CYB5R4: variants seen among roughly 807,000 people sequenced by gnomAD.
The protein encoded by CYB5R4 is N-terminal cytochrome b5 and cytochrome b5 oxidoreductase domain-containing protein.
CYB5R4 carries 55 observed loss-of-function variants against 70.2 expected under a neutral mutation model. The observed-to-expected ratio is 0.78, with a 90% CI of 0.63 to 0.98. The LOEUF (loss-of-function observed/expected upper bound fraction) is 0.98. Ranked by LOEUF, CYB5R4 falls within the 50% of genes least tolerant of loss-of-function variation. CYB5R4 has a pLI of 0.00. For synonymous variants in CYB5R4, 197 were observed against 199.5 expected (o/e 0.99, Z 0.11); for missense variants, 562 against 612.6 (o/e 0.92, Z 0.87).
Position 83,934,744 on chromosome 6 carries a change from A to G in CYB5R4, c.955+9A>G. 6.2e-7 allele frequency: 1 copy of G among 1,605,274 alleles called. No homozygotes were observed. Among genetic ancestry groups the G allele is most frequent in the Non-Finnish European group, 8.5e-7 (1 of 1,176,788 alleles). On this transcript the variant is annotated intron_variant, in intron 11 of 15. Transcript: ENST00000369681. ...CAAGCTACCTATTACAGGTAAGGTG[A>G]ATAGAGGCTTTGGGACACAATTTAT...
At chr6:83,881,650 A>G (rs1031072631) in intron 2 of CYB5R4, among the ~76,000 whole-genome samples, 13 of 152,264 alleles carry the variant, frequency 8.5e-5, no homozygotes, top group African/African-American at 3.1e-4. Context: ...TCTTCTAAGT[A>G]TGTTATTACT....
chr6:83,918,461 A>T (rs1259104684), intron 6 of CYB5R4, among the ~76,000 whole-genome samples: 1 of 152,020 alleles, frequency 6.6e-6, no homozygotes, highest in Non-Finnish European at 1.5e-5. Context: ...TATAATACCT[A>T]CTTCCATATT....
chr6:83,873,235 CTTTT>C (rs927399068), intron 2 of CYB5R4, among the ~76,000 whole-genome samples: 2 of 99,808 alleles, frequency 2.0e-5, no homozygotes, highest in African/African-American at 4.3e-5. Flanking sequence ...GGGTATCCTT[CTTTT>C]TTTTTTTTTT....
chr6:83,880,942 T>C (rs148177524), intron 2 of CYB5R4, among the ~76,000 whole-genome samples: 2 of 152,098 alleles, frequency 1.3e-5, no homozygotes, highest in African/African-American at 4.8e-5. Context: ...GTGGTGGTGG[T>C]AGGAGGTAGA....
chr6:83,894,947 A>C (rs930375738), intron 3 of CYB5R4, among the ~76,000 whole-genome samples: 5 of 152,156 alleles, frequency 3.3e-5, no homozygotes, highest in African/African-American at 1.2e-4. Flanking sequence ...TTGCAGTTCA[A>C]ACCTGTGTTG....
chr6:83,911,246 AT>A (rs1261491207), intron 4 of CYB5R4, among the ~76,000 whole-genome samples: 1 of 152,098 alleles, frequency 6.6e-6, no homozygotes, highest in Admixed American at 6.5e-5. Flanking sequence ...CTCTACAAAA[AT>A]TAAAAAAAAA....
chr6:83,916,955 T>G (rs897377367), intron 5 of CYB5R4, among the ~76,000 whole-genome samples: 2 of 152,156 alleles, frequency 1.3e-5, no homozygotes, highest in African/African-American at 4.8e-5. Context: ...ATATAATTGA[T>G]GCAATGATTT....
At chr6:83,942,882 G>A (rs913048289) in intron 14 of CYB5R4, among the ~76,000 whole-genome samples, 7 of 152,070 alleles carry the variant, frequency 4.6e-5, no homozygotes, top group African/African-American at 1.2e-4. Context: ...CCACAGCACC[G>A]AAAAGCCATG....
intron 4 of CYB5R4, among the ~76,000 whole-genome samples, chr6:83,909,857 T>C (rs1378619181): frequency 1.3e-5 from 2 of 152,206 alleles, no homozygotes; most frequent in Admixed American, 6.5e-5. Context: ...GGCATTCTAA[T>C]TGATAGTGGT....
intron 15 of CYB5R4, among the ~76,000 whole-genome samples, chr6:83,955,724 A>G (rs2099472328): frequency 6.6e-6 from 1 of 152,214 alleles, no homozygotes. Context: ...TGTTACACTC[A>G]CAAGATTGGT....
chr6:83,920,422 C>T (rs1365276942), intron 7 of CYB5R4, among the ~76,000 whole-genome samples: 1 of 152,054 alleles, frequency 6.6e-6, no homozygotes, highest in Non-Finnish European at 1.5e-5. Flanking sequence ...CTCTTCATCA[C>T]ACAGTTCAAA....
chr6:83,863,722 A>C (rs961292615), intron 1 of CYB5R4, among the ~76,000 whole-genome samples: 4 of 152,230 alleles, frequency 2.6e-5, no homozygotes, highest in African/African-American at 9.6e-5. Context: ...AAAAATTAAA[A>C]ATAACAATAC....
chr6:83,933,770 C>G (rs2099468507), intron 10 of CYB5R4, among the ~76,000 whole-genome samples: 1 of 152,228 alleles, frequency 6.6e-6, no homozygotes, highest in African/African-American at 2.4e-5. Context: ...TGGGATATTT[C>G]AAATTTCTCT....
At chr6:83,870,162 C>A (rs1329882997) in intron 2 of CYB5R4, among the ~76,000 whole-genome samples, 1 of 152,052 alleles carries the variant, frequency 6.6e-6, no homozygotes, top group African/African-American at 2.4e-5. Flanking sequence ...TCATAGGAAC[C>A]CAACTTTGTA....
intron 2 of CYB5R4, among the ~76,000 whole-genome samples, chr6:83,891,390 TG>T (rs1378953082): frequency 6.6e-6 from 1 of 152,222 alleles, no homozygotes; most frequent in Non-Finnish European, 1.5e-5. Flanking sequence ...GCATAAAGTT[TG>T]TTTTTTTATG....
In CYB5R4 at chr6:83,939,428, A is replaced by G. The variant is rs931950104; in HGVS notation, c.1109-628A>G. On this transcript the variant is annotated intron_variant, in intron 12 of 15. Transcript: ENST00000369681. ...CTAGATTGGTAAGTGACATGCTCCA[A>G]GTATAGTTGACTGCATTTCTGATCT... Among the ~76,000 whole-genome samples, 7 of 152,188 alleles carry G rather than the reference A, an allele frequency of 4.6e-5. No individual in the cohort carries two copies. The East Asian group carries it at 1.3e-3, about 29-fold the overall frequency.
rs2099468916 is a variant in CYB5R4, at chr6:83,936,301, A to G, written c.1033A>G (p.Asn345Asp). The G allele has an allele frequency of 1.2e-6, 2 of 1,612,822 alleles. No individual in the cohort carries two copies. Among genetic ancestry groups the G allele is most frequent in the Non-Finnish European group, 1.7e-6 (2 of 1,179,122 alleles). The change falls in exon 12 of 16, where the codon AAT (asparagine) becomes GAT (aspartate). Residue 345 changes from asparagine (N) to aspartate (D), a missense_variant. Physicochemically the swap from Asn to Asp is conservative, Grantham distance 23 (BLOSUM62 1). Transcript: ENST00000369681. ...SEFKEPVLPN[N>D]KYIYFLIKIY... ...GTTCAAGGAACCAGTTCTTCCCAAC[A>G]ATAAATACATCTACTTTTTGATAAA...
chr6:83,951,817 T>G (rs1185586366), intron 14 of CYB5R4, among the ~76,000 whole-genome samples: 3 of 152,164 alleles, frequency 2.0e-5, no homozygotes, highest in Non-Finnish European at 4.4e-5. Context: ...GATTGCTGGG[T>G]CAAATGGTCT....
chr6:83,900,275 T>C (rs1392288885), intron 3 of CYB5R4, among the ~76,000 whole-genome samples: 1 of 152,126 alleles, frequency 6.6e-6, no homozygotes, highest in East Asian at 1.9e-4. Context: ...AGTTGAGTGG[T>C]GTTGAGTGAG....
Sources: gnomAD v4.1 joint callset for allele counts (sites outside exome capture counted in the v4.1 genomes callset) on GRCh38, gnomAD v4.1.1 for gene constraint, MANE v1.5 for transcripts, NCBI Gene and HGNC (gene_info 2026-07-23, HGNC 2026-07-21) for gene names.